The following DIP2C variants were observed in gnomAD, a reference collection of about 807,000 sequenced individuals.
DIP2C encodes disco-interacting protein 2 homolog C.
In DIP2C, 33 loss-of-function variants were observed where a neutral mutation model predicts 192.4. That is an observed-to-expected ratio of 0.17 (90% CI 0.13 to 0.23). The LOEUF is 0.23. Ranked by LOEUF, DIP2C falls within the 10% of genes least tolerant of loss-of-function variation. The pLI is 1.00. For missense variants in DIP2C, 1,537 were observed against 2,110.1 expected (o/e 0.73, Z 5.32); for synonymous variants, 979 against 864.1 (o/e 1.13, Z -2.33).
At chr10:457,807 G>A (rs374980570) in intron 3 of DIP2C, among the ~76,000 whole-genome samples, 14 of 152,220 alleles carry the variant, frequency 9.2e-5, no homozygotes, top group African/African-American at 2.6e-4. Context: ...CCTCCACCTC[G>A]GCCTCCCAAA....
chr10:674,487 A>T (rs1321722144), intron 1 of DIP2C, among the ~76,000 whole-genome samples: 1 of 152,062 alleles, frequency 6.6e-6, no homozygotes, highest in Non-Finnish European at 1.5e-5. Context: ...CTAAATAGAG[A>T]GGCGGGGTGC....
chr10:573,941 G>A (rs1010917122), intron 1 of DIP2C, among the ~76,000 whole-genome samples: 2 of 152,208 alleles, frequency 1.3e-5, no homozygotes, highest in Non-Finnish European at 2.9e-5. Flanking sequence ...ACTAGAGCGT[G>A]ACAGGACTGC....
intron 1 of DIP2C, among the ~76,000 whole-genome samples, chr10:535,876 T>C (rs769179144): frequency 2.3e-4 from 35 of 152,240 alleles, no homozygotes; most frequent in Non-Finnish European, 4.7e-4. Context: ...AAAATAATTA[T>C]TATAAACATA....
chr10:650,237 T>C (rs1467731669), intron 1 of DIP2C: 11 of 717,176 alleles, frequency 1.5e-5, no homozygotes, highest in Non-Finnish European at 2.6e-6. Flanking sequence ...CCCTGTTCCC[T>C]TCCCCTCAGG....
chr10:364,049 C>A (rs1258673722), intron 20 of DIP2C, among the ~76,000 whole-genome samples: 1 of 152,198 alleles, frequency 6.6e-6, no homozygotes, highest in Non-Finnish European at 1.5e-5. Context: ...TTGGGTCTCT[C>A]CAACCCGCTC....
chr10:630,008 C>T (rs924333495), intron 1 of DIP2C: 4 of 152,216 alleles, frequency 2.6e-5, no homozygotes. Context: ...GGGGGCCACA[C>T]CTGCACCCAC....
chr10:306,608 T>C (rs1307316064), intron 32 of DIP2C, among the ~76,000 whole-genome samples: 1 of 152,206 alleles, frequency 6.6e-6, no homozygotes, highest in Non-Finnish European at 1.5e-5. Context: ...CCCATTTTTA[T>C]AGGAAGAGTA....
chr10:366,425 G>A lies in DIP2C; in HGVS notation c.2132-14C>T, dbSNP rs369748767. 4.3e-6 allele frequency: 7 copies of A among 1,613,972 alleles called. No homozygotes were observed. The highest frequency in any genetic ancestry group is 5.1e-6 in the Non-Finnish European group (6 of 1,180,044). On this transcript the variant is annotated splice_polypyrimidine_tract_variant and intron_variant, in intron 18 of 36. Transcript: ENST00000280886. Reference sequence around the variant, plus strand: ...AACACATGATGGCTAAAAGCAAACAGGAAAGCACATGCAGTGTGAGAGGGG... The same window carrying A: ...AACACATGATGGCTAAAAGCAAACAAGAAAGCACATGCAGTGTGAGAGGGG...
chr10:320,688 G>A (rs1208188513), intron 31 of DIP2C, among the ~76,000 whole-genome samples: 3 of 152,176 alleles, frequency 2.0e-5, no homozygotes, highest in African/African-American at 7.2e-5. Context: ...GGAGGCTGAG[G>A]TGGGAGGGTC....
At chr10:508,115 C>G (rs1197826238) in intron 1 of DIP2C, among the ~76,000 whole-genome samples, 2 of 141,020 alleles carry the variant, frequency 1.4e-5, no homozygotes, top group South Asian at 2.2e-4. Context: ...CCCCCAACGC[C>G]TTCCTCCCTC....
At chr10:460,870 G>A (rs1320667736) in intron 3 of DIP2C, among the ~76,000 whole-genome samples, 2 of 152,140 alleles carry the variant, frequency 1.3e-5, no homozygotes, top group Non-Finnish European at 1.5e-5. Context: ...GCAGAAACCC[G>A]ACATGCCAGA....
intron 17 of DIP2C, among the ~76,000 whole-genome samples, chr10:378,838 C>T (rs1436025339): frequency 1.3e-4 from 20 of 150,094 alleles, no homozygotes; most frequent in African/African-American, 4.3e-4. Flanking sequence ...CAGATGTGAA[C>T]AGACATGCAT....
chr10:395,156 GGGAGGAC>G (rs1963887900), intron 10 of DIP2C, among the ~76,000 whole-genome samples: 3 of 69,736 alleles, frequency 4.3e-5, no homozygotes, highest in South Asian at 5.7e-4. Flanking sequence ...ATGGGGGGGA[GGGAGGAC>G]ATGGGGAGAT....
intron 36 of DIP2C, among the ~76,000 whole-genome samples, chr10:279,877 C>G (rs1351470506): frequency 1.3e-5 from 2 of 152,240 alleles, no homozygotes; most frequent in African/African-American, 2.4e-5. Context: ...ACCAGCGAGG[C>G]CCTCGATGCA....
chr10:465,175 A>G (rs1970106617), intron 3 of DIP2C, among the ~76,000 whole-genome samples: 1 of 135,988 alleles, frequency 7.4e-6, no homozygotes, highest in Non-Finnish European at 1.6e-5. Flanking sequence ...AGCACATCAA[A>G]AAGCTTATCC....
chr10:408,837 G>T, intron 9 of DIP2C, 89 bp downstream of exon 9: 1 of 1,284,728 alleles, frequency 7.8e-7, no homozygotes, highest in Non-Finnish European at 1.1e-6. Flanking sequence ...AGTGGAGGTG[G>T]CGCTGAACTC....
intron 19 of DIP2C, among the ~76,000 whole-genome samples, chr10:365,312 T>C (rs1332025380): frequency 6.6e-6 from 1 of 152,208 alleles, no homozygotes; most frequent in African/African-American, 2.4e-5. Context: ...ATGGGAGGAT[T>C]GCTTGAGGCC....
intron 1 of DIP2C, among the ~76,000 whole-genome samples, chr10:624,446 C>T (rs1385533055): frequency 1.3e-5 from 2 of 152,228 alleles, no homozygotes; most frequent in Non-Finnish European, 2.9e-5. Context: ...CGCTCAGCTC[C>T]ACATCCAGGC....
chr10:351,093 G>A (rs930677254), intron 24 of DIP2C, among the ~76,000 whole-genome samples: 5 of 152,180 alleles, frequency 3.3e-5, no homozygotes, highest in African/African-American at 7.2e-5. Flanking sequence ...GATGGCTGTC[G>A]GGGACCAGAC....
Sources: allele counts gnomAD v4.1 joint callset (sites outside exome capture counted in the v4.1 genomes callset), GRCh38; gene constraint gnomAD v4.1.1; transcripts MANE v1.5; gene names NCBI Gene and HGNC (gene_info 2026-07-23, HGNC 2026-07-21).